The following SGCD variants were observed in gnomAD, a reference collection of about 807,000 sequenced individuals.
SGCD encodes sarcoglycan delta.
Under a neutral mutation model 36.6 loss-of-function variants are expected in SGCD, and 18 were observed. The ratio of observed to expected loss-of-function variants is 0.49; its 90% CI spans 0.34 to 0.73. The LOEUF is 0.73. Ranked by LOEUF, SGCD falls within the 30% of genes least tolerant of loss-of-function variation. The probability of loss-of-function intolerance (pLI) is 0.01; values close to 1 mark genes in which losing one functional copy is unlikely to be tolerated. For missense variants in SGCD, 387 were observed against 346.7 expected (o/e 1.12, Z -0.92); for synonymous variants, 133 against 130.6 (o/e 1.02, Z -0.12).
chr5:156,680,833 C>T (rs1015649541), intron 7 of SGCD, among the ~76,000 whole-genome samples: 3 of 152,194 alleles, frequency 2.0e-5, no homozygotes, highest in African/African-American at 7.2e-5. Context: ...CATGAAAGCA[C>T]ATGCATAATG....
chr5:156,424,397 A>T (rs939603621), intron 3 of SGCD, among the ~76,000 whole-genome samples: 1 of 152,080 alleles, frequency 6.6e-6, no homozygotes, highest in African/African-American at 2.4e-5. Flanking sequence ...TCCACAAATA[A>T]CAATCATGAA....
chr5:156,727,201 C>T (rs1755821763), intron 7 of SGCD, among the ~76,000 whole-genome samples: 1 of 152,110 alleles, frequency 6.6e-6, no homozygotes, highest in Non-Finnish European at 1.5e-5. Context: ...TAAGAGGAAG[C>T]ATCAGGGGTG....
chr5:156,326,901 A>T (rs915480419), upstream of SGCD: 4 of 152,316 alleles, frequency 2.6e-5, no homozygotes, highest in African/African-American at 7.2e-5. Flanking sequence ...GTTGCAGGGG[A>T]GTCGGCCTGT....
chr5:156,588,988 T>TTGTGTGTGTGTGTATG (rs1760606796), intron 4 of SGCD, among the ~76,000 whole-genome samples: 1 of 143,060 alleles, frequency 7.0e-6, no homozygotes, highest in African/African-American at 2.6e-5. Flanking sequence ...GGAATCTATA[T>TTGTGTGTGTGTGTATG]TGTGTGTGTG....
At chr5:156,149,020 C>T (rs2127614072) in intron 3 of SGCD, among the ~76,000 whole-genome samples, 1 of 152,240 alleles carries the variant, frequency 6.6e-6, no homozygotes, top group East Asian at 1.9e-4. Flanking sequence ...AGCCCTTGTA[C>T]TCAGGCACCA....
At chr5:155,957,520 G>A (rs887803289) in intron 1 of SGCD, among the ~76,000 whole-genome samples, 1 of 152,068 alleles carries the variant, frequency 6.6e-6, no homozygotes, top group Non-Finnish European at 1.5e-5. Context: ...TTCTTTCAGA[G>A]GCTCTAGGGG....
intron 1 of SGCD, among the ~76,000 whole-genome samples, chr5:156,059,290 G>T (rs1206107854): frequency 6.9e-6 from 1 of 145,514 alleles, no homozygotes; most frequent in Non-Finnish European, 1.5e-5. Context: ...AACCAGGAAA[G>T]GGAAGGCGGG....
chr5:156,350,169 T>A (rs12153015), intron 3 of SGCD, among the ~76,000 whole-genome samples: 24,743 of 148,458 alleles, frequency 0.17, 2,184 homozygotes, highest in Middle Eastern at 0.26. Context: ...TACACTAAAA[T>A]TCCAGAGGTT....
chr5:156,391,930 G>A (rs1262357262), intron 3 of SGCD, among the ~76,000 whole-genome samples: 2 of 152,182 alleles, frequency 1.3e-5, no homozygotes, highest in South Asian at 2.1e-4. Flanking sequence ...GTTGTGCCAC[G>A]TTTTAATTCA....
intron 1 of SGCD, among the ~76,000 whole-genome samples, chr5:155,915,657 T>C (rs547438362): frequency 8.5e-4 from 129 of 152,332 alleles, no homozygotes; most frequent in African/African-American, 2.8e-3. Flanking sequence ...TTCTCACTTG[T>C]TAATAATCCC....
the SGCD span, among the ~76,000 whole-genome samples, chr5:155,850,005 A>C: frequency 6.6e-6 from 1 of 152,180 alleles, no homozygotes. Flanking sequence ...TTGCTATATA[A>C]ATATCAGGAA....
At chr5:155,730,790 C>T in the SGCD span, among the ~76,000 whole-genome samples, 1 of 152,222 alleles carries the variant, frequency 6.6e-6, no homozygotes, top group Non-Finnish European at 1.5e-5. Context: ...GCTGTTTAGC[C>T]TTGCTGCCTT....
chr5:156,393,586 T>A (rs1381041409), intron 3 of SGCD, among the ~76,000 whole-genome samples: 2 of 152,246 alleles, frequency 1.3e-5, no homozygotes, highest in Non-Finnish European at 2.9e-5. Context: ...ATCTCTTCTC[T>A]GCTCCATGTA....
At chr5:156,221,473 G>T (rs765065230) in intron 3 of SGCD, among the ~76,000 whole-genome samples, 64 of 151,900 alleles carry the variant, frequency 4.2e-4, no homozygotes, top group Non-Finnish European at 5.7e-4. Context: ...TTGGCAAATT[G>T]CCCAACTTCT....
At chr5:156,322,666 T>G (rs1358528303), upstream of SGCD, among the ~76,000 whole-genome samples, 1 of 152,178 alleles carries the variant, frequency 6.6e-6, no homozygotes, top group Non-Finnish European at 1.5e-5. Context: ...CACAGGCAAT[T>G]TCTAGGAAAC....
At chr5:156,289,596 A>C (rs1000049079) in intron 3 of SGCD, among the ~76,000 whole-genome samples, 1 of 150,564 alleles carries the variant, frequency 6.6e-6, no homozygotes, top group Admixed American at 6.6e-5. Flanking sequence ...TTATTTTTTT[A>C]TTTTTATTTT....
intron 7 of SGCD, among the ~76,000 whole-genome samples, chr5:156,694,975 G>C (rs1754249388): frequency 6.6e-6 from 1 of 152,156 alleles, no homozygotes. Flanking sequence ...TTGGAGCACT[G>C]AGTAAATGAA....
chr5:156,474,837 T>G (rs1310956463), intron 3 of SGCD, among the ~76,000 whole-genome samples: 2 of 152,140 alleles, frequency 1.3e-5, no homozygotes, highest in African/African-American at 2.4e-5. Flanking sequence ...ATACGTGCAT[T>G]GGATCTCAGT....
chr5:156,414,923 T>A (rs543053400), intron 3 of SGCD, among the ~76,000 whole-genome samples: 1 of 152,348 alleles, frequency 6.6e-6, no homozygotes, highest in South Asian at 2.1e-4. Context: ...GATTTTGCAC[T>A]GTTCTAGGTA....
Sources: gnomAD v4.1 joint callset for allele counts (sites outside exome capture counted in the v4.1 genomes callset) on GRCh38, gnomAD v4.1.1 for gene constraint, MANE v1.5 for transcripts, NCBI Gene and HGNC (gene_info 2026-07-23, HGNC 2026-07-21) for gene names.